The following JAZF1 variants were observed in gnomAD, a reference collection of about 807,000 sequenced individuals.
The protein encoded by JAZF1 is JAZF zinc finger 1.
JAZF1 carries 8 observed loss-of-function variants against 26.4 expected under a neutral mutation model. The ratio of observed to expected loss-of-function variants is 0.30; its 90% CI spans 0.18 to 0.55. The LOEUF is 0.55. Ranked by LOEUF, JAZF1 falls within the 20% of genes least tolerant of loss-of-function variation. The probability of loss-of-function intolerance (pLI) is 0.94; values close to 1 mark genes in which losing one functional copy is unlikely to be tolerated. For missense variants in JAZF1, 199 were observed against 322.0 expected, an observed-to-expected ratio of 0.62 and a Z score of 2.92; for synonymous variants, 126 against 122.3, an observed-to-expected ratio of 1.03 and a Z score of -0.20.
chr7:28,109,016 G>A (rs1784597787), intron 1 of JAZF1, among the ~76,000 whole-genome samples: 2 of 152,216 alleles, frequency 1.3e-5, no homozygotes, highest in South Asian at 4.1e-4. Flanking sequence ...TAGAAACAGA[G>A]GGTAGAATTA....
chr7:27,957,842 T>C (rs1309660761), intron 2 of JAZF1, among the ~76,000 whole-genome samples: 1 of 152,198 alleles, frequency 6.6e-6, no homozygotes, highest in Non-Finnish European at 1.5e-5. Context: ...TAATTGAAAA[T>C]TCTAAGAATA....
In JAZF1 at chr7:27,831,877, A is replaced by G. The variant is rs1056242688; in HGVS notation, c.*923T>C. The G allele has an allele frequency of 4.6e-6, 1 of 218,622 alleles. No individual in the cohort carries two copies. Among genetic ancestry groups the G allele is most frequent in the South Asian group, 1.9e-4 (1 of 5,402 alleles). 13.5% of individuals were successfully genotyped at this position (218,622 alleles called of 1,614,324 possible). On this transcript the variant is annotated 3_prime_UTR_variant, in exon 5 of 5. Coordinates refer to ENST00000283928, the MANE Select transcript of JAZF1 (RefSeq NM_175061.4). ...TAAATTGTTGGCAATAGAGAACTACAAAGTGCTTTAAAACTTCATCTGAAG... is the reference window on the plus strand; with the variant it reads ...TAAATTGTTGGCAATAGAGAACTACGAAGTGCTTTAAAACTTCATCTGAAG...
intron 2 of JAZF1, among the ~76,000 whole-genome samples, chr7:27,968,029 ATC>A (rs1276970945): frequency 6.6e-6 from 1 of 152,254 alleles, no homozygotes; most frequent in East Asian, 1.9e-4. Context: ...AATATTCATA[ATC>A]TCTCTCTTTA....
In JAZF1 at chr7:28,101,980, T is replaced by C. The variant is rs975343507; in HGVS notation, c.115+78483A>G. On this transcript the variant is annotated intron_variant, in intron 1 of 4. Transcript: ENST00000283928. ...AAATGCTAATTTTCTACACGTTGTC[T>C]TATGAACCACAGAGGAATAAATGGT... 2.0e-5 allele frequency among the ~76,000 whole-genome samples: 3 copies of C among 152,180 alleles called. No individual in the cohort carries two copies. In the East Asian group the frequency reaches 5.8e-4, roughly 29 times the overall value.
intron 3 of JAZF1, among the ~76,000 whole-genome samples, chr7:27,879,269 AG>A (rs1415217483): frequency 6.6e-6 from 1 of 152,146 alleles, no homozygotes; most frequent in Admixed American, 6.5e-5. Flanking sequence ...CTGAGAGTCA[AG>A]GGACCACATT....
At chr7:27,908,097 T>C (rs1340623533) in intron 2 of JAZF1, among the ~76,000 whole-genome samples, 1 of 152,166 alleles carries the variant, frequency 6.6e-6, no homozygotes, top group East Asian at 1.9e-4. Context: ...AGAGAGAAAG[T>C]TGAGTATGTC....
chr7:28,163,118 T>C (rs919931274), intron 1 of JAZF1, among the ~76,000 whole-genome samples: 1 of 152,196 alleles, frequency 6.6e-6, no homozygotes, highest in Non-Finnish European at 1.5e-5. Context: ...AAAAGCATTA[T>C]CAGCTCATGG....
intron 2 of JAZF1, among the ~76,000 whole-genome samples, chr7:27,907,099 A>G (rs1053984020): frequency 6.6e-6 from 1 of 152,236 alleles, no homozygotes; most frequent in Non-Finnish European, 1.5e-5. Flanking sequence ...TCAGCTGGGA[A>G]CACAGCCTGG....
At chr7:28,108,800 C>A (rs1217117604) in intron 1 of JAZF1, among the ~76,000 whole-genome samples, 1 of 152,172 alleles carries the variant, frequency 6.6e-6, no homozygotes, top group South Asian at 2.1e-4. Flanking sequence ...TGGAAACAAC[C>A]TAAGTGTCCA....
chr7:28,067,803 C>T (rs2127908456), intron 1 of JAZF1, among the ~76,000 whole-genome samples: 1 of 152,328 alleles, frequency 6.6e-6, no homozygotes, highest in South Asian at 2.1e-4. Context: ...GGATAAATGA[C>T]TTTTGCTCAC....
Position 28,180,451 on chromosome 7 carries a change from C to T in JAZF1, c.115+12G>A, listed in dbSNP as rs1370988175. On this transcript the variant is annotated intron_variant, in intron 1 of 4. Transcript: ENST00000283928. ...CGCGCCTGGCACCCCCGCCCACCCCCGGGCCATTTACCGATGTGGTTGTCC... is the reference window on the plus strand; with the variant it reads ...CGCGCCTGGCACCCCCGCCCACCCCTGGGCCATTTACCGATGTGGTTGTCC... 13 of 1,606,238 alleles carry T rather than the reference C, an allele frequency of 8.1e-6. No homozygotes were observed. The South Asian group carries it at 1.4e-4, about 18-fold the overall frequency.
intron 2 of JAZF1, among the ~76,000 whole-genome samples, chr7:27,916,840 G>T (rs1303228386): frequency 1.3e-5 from 2 of 152,238 alleles, no homozygotes; most frequent in African/African-American, 4.8e-5. Context: ...CCACCGCTCT[G>T]TCCATGTCGG....
At chr7:28,151,406 G>A (rs1467525369) in intron 1 of JAZF1, among the ~76,000 whole-genome samples, 1 of 151,658 alleles carries the variant, frequency 6.6e-6, no homozygotes, top group Non-Finnish European at 1.5e-5. Context: ...TACCTGGCTT[G>A]GAGGGGGAAT....
intron 3 of JAZF1, among the ~76,000 whole-genome samples, chr7:27,850,949 AT>A (rs539232971): frequency 2.7e-5 from 4 of 150,354 alleles, no homozygotes; most frequent in South Asian, 2.1e-4. Flanking sequence ...TTTTAAAATA[AT>A]TTTTTTTTTG....
In JAZF1 at chr7:28,019,995, GCCTA is replaced by G. The variant is rs200499761; in HGVS notation, c.116-28018_116-28015del. On this transcript the variant is annotated intron_variant, in intron 1 of 4. Coordinates refer to ENST00000283928, the MANE Select transcript of JAZF1 (RefSeq NM_175061.4). ...CTACCTCTTTCTGAGGGCTACAAAAGCCTACCTATGTTGCACAGAAATGCCTCAA... is the reference window on the plus strand; with the variant it reads ...CTACCTCTTTCTGAGGGCTACAAAAGCCTATGTTGCACAGAAATGCCTCAA... Among the ~76,000 whole-genome samples the G allele has an allele frequency of 9.5e-3, 1,443 of 152,238 alleles. 22 individuals carry two copies. The highest frequency in any genetic ancestry group is 0.033 in the African/African-American group (1,375 of 41,544).
At chr7:27,861,969 C>T (rs1451335731) in intron 3 of JAZF1, among the ~76,000 whole-genome samples, 1 of 152,310 alleles carries the variant, frequency 6.6e-6, no homozygotes, top group East Asian at 1.9e-4. Flanking sequence ...ACTGTGCCCT[C>T]ACCCTGGGCT....
intron 3 of JAZF1, among the ~76,000 whole-genome samples, chr7:27,847,973 A>G (rs1783059414): frequency 6.6e-6 from 1 of 152,166 alleles, no homozygotes; most frequent in South Asian, 2.1e-4. Context: ...AGCCTATAAT[A>G]TAATTTTAAA....
At chr7:28,128,092 C>A (rs1259076839) in intron 1 of JAZF1, among the ~76,000 whole-genome samples, 2 of 152,022 alleles carry the variant, frequency 1.3e-5, no homozygotes, top group Non-Finnish European at 2.9e-5. Flanking sequence ...TTCCAGGAGG[C>A]CATATTAAAT....
chr7:27,872,124 GA>G (rs1170824890), intron 3 of JAZF1, among the ~76,000 whole-genome samples: 1 of 152,120 alleles, frequency 6.6e-6, no homozygotes, highest in African/African-American at 2.4e-5. Context: ...ATTCTCCACA[GA>G]AAAAGGCCTT....
Sources: allele counts gnomAD v4.1 joint callset (sites outside exome capture counted in the v4.1 genomes callset), GRCh38; gene constraint gnomAD v4.1.1; transcripts MANE v1.5; gene names NCBI Gene and HGNC (gene_info 2026-07-23, HGNC 2026-07-21).